MTHFD2L: variants seen among roughly 807,000 people sequenced by gnomAD.
The protein encoded by MTHFD2L is methylenetetrahydrofolate dehydrogenase (NADP+ dependent) 2 like, also known as bifunctional methylenetetrahydrofolate dehydrogenase/cyclohydrolase 2, mitochondrial.
In MTHFD2L, 29 loss-of-function variants were observed where a neutral mutation model predicts 34.9. The ratio of observed to expected loss-of-function variants is 0.83; its 90% confidence interval spans 0.62 to 1.13. MTHFD2L has a LOEUF of 1.13. Among genes scored for constraint, MTHFD2L ranks in the 50% most tolerant of loss-of-function variants. The pLI is 0.00. For synonymous variants in MTHFD2L, 167 were observed against 155.7 expected, an observed-to-expected ratio of 1.07 and a Z score of -0.54; for missense variants, 481 against 446.5, an observed-to-expected ratio of 1.08 and a Z score of -0.70.
chr4:74,291,003 C>CTTTTTTTTTTTTTGTTTTTTTT (rs1748855422), intron 7 of MTHFD2L, among the ~76,000 whole-genome samples: 1 of 29,272 alleles, frequency 3.4e-5, no homozygotes, highest in Non-Finnish European at 6.5e-5. Context: ...TTTTCCTTTT[C>CTTTTTTTTTTTTTGTTTTTTTT]TTTTTTTTTT....
At chr4:74,115,677 A>C (rs1721644993) in intron 2 of MTHFD2L, among the ~76,000 whole-genome samples, 3 of 152,224 alleles carry the variant, frequency 2.0e-5, no homozygotes, top group Admixed American at 2.0e-4. Flanking sequence ...CTTCTCCTTT[A>C]ATGGCATTGC....
chr4:74,271,457 G>A (rs1455376031), intron 6 of MTHFD2L, among the ~76,000 whole-genome samples: 59 of 151,714 alleles, frequency 3.9e-4, no homozygotes, highest in Admixed American at 7.2e-4. Context: ...TTTTTGTCAC[G>A]TTTGTCAAAG....
chr4:74,159,110 A>G (rs192405409), intron 1 of MTHFD2L, among the ~76,000 whole-genome samples: 22 of 152,354 alleles, frequency 1.4e-4, no homozygotes, highest in African/African-American at 5.3e-4. Flanking sequence ...TAGAAAAGCA[A>G]TGACTGGTAA....
rs1486013325 is a variant in MTHFD2L at position 74,174,615 on chromosome 4, A to G, written c.253A>G (p.Ser85Gly). 3.7e-6 allele frequency: 6 copies of G among 1,605,200 alleles called. No homozygotes were observed. Among genetic ancestry groups the G allele is most frequent in the African/African-American group, 2.7e-5 (2 of 74,300 alleles). The change falls in exon 2 of 8, where the codon AGT becomes GGT. Residue 85 changes from serine (S) to glycine (G), a missense_variant. Ser to Gly is a moderately conservative substitution (Grantham distance 56). Coordinates refer to ENST00000325278, the MANE Select transcript of MTHFD2L (RefSeq NM_001144978.3). ...VSLGNRRPHL[S>G]IILVGDNPAS... ...CCTTGGAAACAGAAGACCTCACCTC[A>G]GTATAATTTTAGTGGGAGATAACCC... is the stretch of plus-strand genomic sequence containing the variant.
At chr4:74,174,009 G>A (rs1013983720) in intron 1 of MTHFD2L, among the ~76,000 whole-genome samples, 1 of 152,108 alleles carries the variant, frequency 6.6e-6, no homozygotes, top group Non-Finnish European at 1.5e-5. Flanking sequence ...TAGTTTTGTA[G>A]ACTGGGAAGT....
At chr4:74,125,349 C>T (rs1172528959), upstream of MTHFD2L, 1 of 152,114 alleles carries the variant, frequency 6.6e-6, no homozygotes, top group South Asian at 2.1e-4. Context: ...TTTCCATTTA[C>T]CACTGAGCCA....
At chr4:74,132,754 C>T (rs1456009733) in intron 1 of MTHFD2L, among the ~76,000 whole-genome samples, 2 of 151,768 alleles carry the variant, frequency 1.3e-5, no homozygotes. Flanking sequence ...GAAAAAAATG[C>T]TCTACACTTT....
chr4:74,117,545 T>C (rs1372944827), intron 2 of MTHFD2L, among the ~76,000 whole-genome samples: 3 of 152,138 alleles, frequency 2.0e-5, no homozygotes, highest in Non-Finnish European at 2.9e-5. Context: ...GCTGCTTGGA[T>C]TGAATTTTAA....
intron 6 of MTHFD2L, chr4:74,242,150 A>G (rs899594495): frequency 1.3e-5 from 2 of 151,938 alleles, no homozygotes; most frequent in Admixed American, 6.6e-5. Context: ...ATGTGAATCT[A>G]TAATTATCAA....
intron 6 of MTHFD2L, among the ~76,000 whole-genome samples, chr4:74,246,856 G>A (rs546573634): frequency 2.0e-5 from 3 of 152,296 alleles, no homozygotes; most frequent in Admixed American, 6.5e-5. Context: ...TTTGGTACCA[G>A]TAACATGCTG....
Position 74,301,861 on chromosome 4 carries a change from A to G in MTHFD2L, c.*52A>G. 2 of 1,180,988 alleles carry G rather than the reference A, an allele frequency of 1.7e-6. No homozygotes were observed. The highest frequency in any genetic ancestry group is 2.5e-6 in the Non-Finnish European group (2 of 812,918). 73.2% of individuals were successfully genotyped at this position (1,180,988 alleles called of 1,614,324 possible). A position where few individuals can be genotyped will look rare whatever the true frequency, so the allele number is the denominator to read the frequency against. ...AAGTCATGCTATTTGTTTATTTGAC[A>G]AAGGGTAAAACCTTTATATTTTACT... On this transcript the variant is annotated 3_prime_UTR_variant, in exon 8 of 8. Transcript: ENST00000325278.
chr4:74,157,236 G>A (rs1724353548), upstream of MTHFD2L: 1 of 193,672 alleles, frequency 5.2e-6, no homozygotes, highest in Non-Finnish European at 1.1e-5. Context: ...TTTTCTGACA[G>A]TCTATGATTT....
At chr4:74,270,612 G>A (rs76974519) in intron 6 of MTHFD2L, among the ~76,000 whole-genome samples, 36,730 of 151,992 alleles carry the variant, frequency 0.24, 4,502 homozygotes, top group Admixed American at 0.28. Flanking sequence ...GCTATTGTGA[G>A]TAGTGCCGCA....
At chr4:74,207,782 T>TG (rs397946825) in intron 5 of MTHFD2L, among the ~76,000 whole-genome samples, 1 of 151,236 alleles carries the variant, frequency 6.6e-6, no homozygotes, top group African/African-American at 2.4e-5. Context: ...TTTTTTTTTT[T>TG]GCCAGCCTGG....
chr4:74,139,499 T>G (rs1002018999), intron 1 of MTHFD2L, among the ~76,000 whole-genome samples: 5 of 152,296 alleles, frequency 3.3e-5, no homozygotes, highest in African/African-American at 1.2e-4. Context: ...GTAACTGATC[T>G]CCTGCCAGAG....
chr4:74,279,484 G>GT (rs1285251335), intron 6 of MTHFD2L, among the ~76,000 whole-genome samples: 2 of 151,898 alleles, frequency 1.3e-5, no homozygotes, highest in Non-Finnish European at 2.9e-5. Flanking sequence ...AATATTTAAA[G>GT]TTTTTTTCCA....
intron 5 of MTHFD2L, among the ~76,000 whole-genome samples, chr4:74,202,439 T>C (rs1734602277): frequency 1.3e-5 from 2 of 152,166 alleles, no homozygotes; most frequent in South Asian, 2.1e-4. Flanking sequence ...TTTGTGGCTA[T>C]TAAAACTAAA....
In MTHFD2L at chr4:74,201,353, A is replaced by T; in HGVS notation, c.695A>T (p.Glu232Val). Residue 232 changes from glutamate to valine, a missense_variant, in exon 5 of 8, where the codon GAG (glutamate) becomes GTG (valine). By Grantham distance (121) the Glu-to-Val change is moderately radical (BLOSUM62 -2). Transcript: ENST00000325278. ...PIAMLLHTDG[E>V]HERPGGDATV... ...GCCATGCTTTTACACACTGATGGAGAGCATGAACGGCCAGGAGGTAGGTAG... is the reference window on the plus strand; with the variant it reads ...GCCATGCTTTTACACACTGATGGAGTGCATGAACGGCCAGGAGGTAGGTAG... The T allele has an allele frequency of 6.2e-7, 1 of 1,613,078 alleles. No individual in the cohort carries two copies. The highest frequency in any genetic ancestry group is 8.5e-7 in the Non-Finnish European group (1 of 1,179,396).
chr4:74,257,746 G>A (rs1202505045), intron 6 of MTHFD2L, among the ~76,000 whole-genome samples: 1 of 152,102 alleles, frequency 6.6e-6, no homozygotes, highest in Non-Finnish European at 1.5e-5. Context: ...ATAGACAAAT[G>A]GGATTTTATC....
Sources: allele counts gnomAD v4.1 joint callset (sites outside exome capture counted in the v4.1 genomes callset), GRCh38; gene constraint gnomAD v4.1.1; transcripts MANE v1.5; gene names NCBI Gene and HGNC (gene_info 2026-07-23, HGNC 2026-07-21).